Variants in GNAQ observed in about 807,000 individuals in gnomAD.
GNAQ encodes the protein guanine nucleotide-binding protein G(q) subunit alpha.
In GNAQ, 8 loss-of-function variants were observed where a neutral mutation model predicts 43.9. The observed-to-expected ratio is 0.18, with a 90% CI of 0.11 to 0.33. GNAQ has a LOEUF of 0.33. Among genes scored for constraint, GNAQ ranks in the 10% least tolerant of loss-of-function variants. The pLI is 1.00. For synonymous variants in GNAQ, 155 were observed against 170.7 expected, an observed-to-expected ratio of 0.91 and a Z score of 0.71; for missense variants, 158 against 450.8, an observed-to-expected ratio of 0.35 and a Z score of 5.88.
At chr9:77,951,208 C>T (rs1822971735) in intron 1 of GNAQ, among the ~76,000 whole-genome samples, 2 of 149,272 alleles carry the variant, frequency 1.3e-5, no homozygotes, top group African/African-American at 4.9e-5. Context: ...AGCGATTCTC[C>T]TGCCTCAGCC....
At position 77,827,394 on chromosome 9, in the gene GNAQ, A is replaced by C. The variant is rs571687506; in HGVS notation, c.322-11624T>G. The stretch of plus-strand genomic sequence containing the variant: ...CATGTTTAAATAACTAAAAAAAAAA[A>C]AAAAAAACTGAGCAACTTGCATTGC... On this transcript the variant is annotated intron_variant, in intron 2 of 6. Transcript: ENST00000286548. Among the ~76,000 whole-genome samples the C allele has an allele frequency of 1.2e-3, 179 of 151,952 alleles. 1 individual carries two copies. Among genetic ancestry groups the C allele is most frequent in the African/African-American group, 3.8e-3 (157 of 41,444 alleles).
chr9:77,776,236 C>A (rs972823240), intron 5 of GNAQ, among the ~76,000 whole-genome samples: 3 of 152,142 alleles, frequency 2.0e-5, no homozygotes, highest in African/African-American at 7.2e-5. Context: ...CTGTGAAAAC[C>A]AAAAGTAACA....
At chr9:77,973,650 C>T (rs1823265612) in intron 1 of GNAQ, among the ~76,000 whole-genome samples, 1 of 152,166 alleles carries the variant, frequency 6.6e-6, no homozygotes, top group Non-Finnish European at 1.5e-5. Context: ...AACCCTGTCT[C>T]TACTAAAAAT....
chr9:77,803,558 C>A (rs1826780902), intron 3 of GNAQ, among the ~76,000 whole-genome samples: 1 of 152,136 alleles, frequency 6.6e-6, no homozygotes, highest in African/African-American at 2.4e-5. Flanking sequence ...TGACCATAAG[C>A]AAAATGCAGA....
intron 5 of GNAQ, among the ~76,000 whole-genome samples, chr9:77,754,141 A>G (rs1201058757): frequency 1.3e-5 from 2 of 152,176 alleles, no homozygotes; most frequent in African/African-American, 4.8e-5. Context: ...TGCTTCTGTT[A>G]GGCATCACAT....
intron 2 of GNAQ, among the ~76,000 whole-genome samples, chr9:77,874,024 G>C (rs1444558779): frequency 6.6e-6 from 1 of 150,560 alleles, no homozygotes; most frequent in Non-Finnish European, 1.5e-5. Flanking sequence ...AGAATCACTT[G>C]AACCTGGGAG....
At chr9:77,874,719 G>A (rs1828102354) in intron 2 of GNAQ, among the ~76,000 whole-genome samples, 1 of 151,880 alleles carries the variant, frequency 6.6e-6, no homozygotes. Flanking sequence ...CCACCACCCG[G>A]GCTTAAGTGA....
At chr9:77,859,704 A>G (rs1022050076) in intron 2 of GNAQ, among the ~76,000 whole-genome samples, 1 of 152,218 alleles carries the variant, frequency 6.6e-6, no homozygotes, top group African/African-American at 2.4e-5. Context: ...GACAGACTGC[A>G]TAACAGCAGC....
intron 5 of GNAQ, among the ~76,000 whole-genome samples, chr9:77,784,640 A>G (rs1826448739): frequency 6.6e-6 from 1 of 152,228 alleles, no homozygotes; most frequent in African/African-American, 2.4e-5. Flanking sequence ...GATAAAAGAC[A>G]AATTTTAAAA....
chr9:77,782,578 C>G (rs1276332344), intron 5 of GNAQ, among the ~76,000 whole-genome samples: 2 of 152,170 alleles, frequency 1.3e-5, no homozygotes, highest in African/African-American at 4.8e-5. Context: ...TTTTGGAAGA[C>G]AGTTTGGCAG....
In GNAQ at chr9:77,721,511, G is replaced by A. The variant is rs1825312747; in HGVS notation, c.892C>T (p.Pro298Ser). 6.2e-7 allele frequency: 1 copy of A among 1,600,572 alleles called. No homozygotes were observed. Among genetic ancestry groups the A allele is most frequent in the Non-Finnish European group, 8.5e-7 (1 of 1,170,500 alleles). Residue 298 changes from proline (P) to serine (S), a missense_variant and splice_region_variant, in exon 7 of 7, where the codon CCC becomes TCC. Transcript: ENST00000286548. ...LVDYFPEYDG[P>S]QRDAQAAREF... Reference sequence around the variant, plus strand: ...CGGGCTGCCTGGGCATCTCTCTGGGGTCCTTTCGGCCAAGAGACAAGAGGG... The same window carrying A: ...CGGGCTGCCTGGGCATCTCTCTGGGATCCTTTCGGCCAAGAGACAAGAGGG...
At chr9:77,906,904 A>G (rs1587401190) in intron 2 of GNAQ, among the ~76,000 whole-genome samples, 1 of 152,338 alleles carries the variant, frequency 6.6e-6, no homozygotes, top group Middle Eastern at 3.4e-3. Flanking sequence ...GTTAAATCTC[A>G]GTATGTGAAT....
chr9:77,940,733 C>G (rs542951952), intron 1 of GNAQ, among the ~76,000 whole-genome samples: 2 of 152,002 alleles, frequency 1.3e-5, no homozygotes, highest in African/African-American at 4.8e-5. Context: ...TTTGGGAGGC[C>G]GAGGCAGGCG....
chr9:77,910,469 A>C (rs1828781437), intron 2 of GNAQ, among the ~76,000 whole-genome samples: 2 of 152,200 alleles, frequency 1.3e-5, no homozygotes, highest in Non-Finnish European at 2.9e-5. Context: ...ACAACTTCCT[A>C]CTAAAATGCG....
chr9:77,832,897 TTTC>T (rs1394629863), intron 2 of GNAQ, among the ~76,000 whole-genome samples: 7 of 152,188 alleles, frequency 4.6e-5, no homozygotes, highest in African/African-American at 1.7e-4. Context: ...AGGTTGGCCT[TTTC>T]AATTTCACAG....
chr9:77,847,717 C>T (rs952921280), intron 2 of GNAQ, among the ~76,000 whole-genome samples: 4 of 152,188 alleles, frequency 2.6e-5, no homozygotes, highest in Non-Finnish European at 4.4e-5. Flanking sequence ...TCAAGGCAAA[C>T]GTCTATGCAG....
chr9:77,868,613 T>A (rs11145596), intron 2 of GNAQ, among the ~76,000 whole-genome samples: 1 of 151,816 alleles, frequency 6.6e-6, no homozygotes, highest in Admixed American at 6.6e-5. Flanking sequence ...CTGGCCAACA[T>A]AGTGAAGTCC....
At chr9:78,001,947 T>G (rs533298299) in intron 1 of GNAQ, among the ~76,000 whole-genome samples, 1 of 152,348 alleles carries the variant, frequency 6.6e-6, no homozygotes, top group African/African-American at 2.4e-5. Flanking sequence ...GTATGCTTAC[T>G]TCATCACAAT....
chr9:77,814,086 T>C (rs79282095), intron 3 of GNAQ, among the ~76,000 whole-genome samples: 6,883 of 151,698 alleles, frequency 0.045, 421 homozygotes, highest in East Asian at 0.21. Context: ...CATGGGGAGA[T>C]AGATGGAATC....
Sources: allele counts gnomAD v4.1 joint callset (sites outside exome capture counted in the v4.1 genomes callset), GRCh38; gene constraint gnomAD v4.1.1; transcripts MANE v1.5; gene names NCBI Gene and HGNC (gene_info 2026-07-23, HGNC 2026-07-21).